LEPR: variants seen among roughly 807,000 people sequenced by gnomAD.
The protein encoded by LEPR is OB receptor.
Under a neutral mutation model 114.7 loss-of-function variants are expected in LEPR, and 56 were observed. The ratio of observed to expected loss-of-function variants is 0.49; its 90% confidence interval spans 0.39 to 0.61. The LOEUF is 0.61. Ranked by LOEUF, LEPR falls within the 20% of genes least tolerant of loss-of-function variation. LEPR has a pLI of 0.00. For missense variants in LEPR, 1,202 were observed against 1,352.9 expected (o/e 0.89, Z 1.75); for synonymous variants, 443 against 461.4 (o/e 0.96, Z 0.51).
chr1:65,434,170 C>A, intron 2 of LEPR: 2 of 984,004 alleles, frequency 2.0e-6, no homozygotes, highest in Non-Finnish European at 2.4e-6. Context: ...ATTAGATTTG[C>A]TCTATGTCTG....
At chr1:65,527,925 C>A (rs575717321) in intron 2 of LEPR, among the ~76,000 whole-genome samples, 177 of 152,268 alleles carry the variant, frequency 1.2e-3, no homozygotes, top group African/African-American at 4.0e-3. Flanking sequence ...ACAACTGAAA[C>A]TGGATGGATC....
At chr1:65,544,912 C>T (rs1327193238) in intron 2 of LEPR, among the ~76,000 whole-genome samples, 6 of 150,272 alleles carry the variant, frequency 4.0e-5, no homozygotes, top group African/African-American at 9.7e-5. Flanking sequence ...CCCATTAACT[C>T]GTCATTTAGC....
chr1:65,627,369 A>G (rs537132855), intron 19 of LEPR, among the ~76,000 whole-genome samples: 4 of 152,360 alleles, frequency 2.6e-5, no homozygotes, highest in African/African-American at 9.6e-5. Context: ...AGAAGCACAA[A>G]TGAAAATATC....
At chr1:65,431,828 T>G in intron 2 of LEPR, 2 of 1,613,948 alleles carry the variant, frequency 1.2e-6, no homozygotes, top group Non-Finnish European at 1.7e-6. Context: ...TGCGGCCTTG[T>G]GTTGGCAGGC....
intron 6 of LEPR, among the ~76,000 whole-genome samples, chr1:65,594,080 A>T (rs1655883603): frequency 6.6e-6 from 1 of 152,044 alleles, no homozygotes; most frequent in Non-Finnish European, 1.5e-5. Context: ...TCCCCAAATT[A>T]TATGTTCCAT....
intron 19 of LEPR, among the ~76,000 whole-genome samples, chr1:65,629,765 T>C (rs1658421463): frequency 6.6e-6 from 1 of 151,824 alleles, no homozygotes; most frequent in African/African-American, 2.4e-5. Context: ...TTATGTTACC[T>C]ATTTTATCCA....
chr1:65,500,729 G>T (rs181087986), intron 2 of LEPR, among the ~76,000 whole-genome samples: 1 of 152,132 alleles, frequency 6.6e-6, no homozygotes, highest in African/African-American at 2.4e-5. Flanking sequence ...GGTTAACAGT[G>T]GGTAATTAGT....
chr1:65,459,097 C>T (rs562455572), intron 2 of LEPR, among the ~76,000 whole-genome samples: 116 of 152,312 alleles, frequency 7.6e-4, no homozygotes, highest in African/African-American at 2.6e-3. Context: ...GCATGTATTC[C>T]TGTCTGTCTC....
At chr1:65,552,281 G>C (rs538882118) in intron 2 of LEPR, among the ~76,000 whole-genome samples, 1 of 152,248 alleles carries the variant, frequency 6.6e-6, no homozygotes, top group East Asian at 1.9e-4. Flanking sequence ...CTTTCTTGTT[G>C]ATCTGTCTAA....
rs556285881 is a variant in LEPR, at chr1:65,423,289, C to A, written c.-96-2014C>A. On this transcript the variant is annotated intron_variant, in intron 1 of 19. Coordinates refer to ENST00000349533, the MANE Select transcript of LEPR (RefSeq NM_002303.6). ...TGAACATAAGTTTTCAGCAGGAGTG[C>A]GTGGAGTGAAAAGAGAGATGGGGTT... 3.3e-5 allele frequency among the ~76,000 whole-genome samples: 5 copies of A among 151,792 alleles called. No individual in the cohort carries two copies. The South Asian group carries it at 1.0e-3, about 32-fold the overall frequency.
intron 2 of LEPR, among the ~76,000 whole-genome samples, chr1:65,438,383 C>T (rs1022036261): frequency 6.6e-6 from 1 of 151,690 alleles, no homozygotes. Flanking sequence ...AACCCCGTCT[C>T]TACTAAAAAT....
chr1:65,632,711 G>T (rs935029511), intron 19 of LEPR, among the ~76,000 whole-genome samples: 1 of 151,928 alleles, frequency 6.6e-6, no homozygotes, highest in Non-Finnish European at 1.5e-5. Flanking sequence ...GTAATGAATG[G>T]TTCTGTGATT....
At chr1:65,576,934 A>C (rs963838689) in intron 5 of LEPR, 2 of 355,320 alleles carry the variant, frequency 5.6e-6, no homozygotes, top group Non-Finnish European at 1.1e-5. Flanking sequence ...AGTTCCTGGA[A>C]ATACTGTCTG....
At chr1:65,465,409 T>A (rs557378085) in intron 2 of LEPR, among the ~76,000 whole-genome samples, 2 of 152,356 alleles carry the variant, frequency 1.3e-5, no homozygotes, top group South Asian at 2.1e-4. Context: ...GTGATTTCTG[T>A]TCTTTTACAT....
intron 2 of LEPR, among the ~76,000 whole-genome samples, chr1:65,543,723 G>C (rs190206715): frequency 3.9e-5 from 6 of 152,048 alleles, no homozygotes; most frequent in Admixed American, 3.9e-4. Flanking sequence ...TATTAAATAG[G>C]GAATCCTTTC....
intron 19 of LEPR, among the ~76,000 whole-genome samples, chr1:65,623,711 T>A (rs1222350910): frequency 6.7e-6 from 1 of 149,052 alleles, no homozygotes; most frequent in Non-Finnish European, 1.5e-5. Flanking sequence ...GGTGATTGCA[T>A]CTTTATCATT....
Position 65,616,108 on chromosome 1 carries a change from C to A in LEPR, c.2096C>A (p.Thr699Lys). ...GTWSEDVGNH[T>K]KFTFLWTEQA... The stretch of plus-strand genomic sequence containing the variant: ...TGGTCAGAAGATGTGGGAAATCACA[C>A]GAAATTCACTTTCCTGTGGACAGAG... The change falls in exon 15 of 20, where the codon ACG becomes AAG. Residue 699 changes from threonine to lysine, a missense_variant. By Grantham distance (78) the Thr-to-Lys change is moderately conservative (BLOSUM62 -1). Coordinates refer to ENST00000349533, the MANE Select transcript of LEPR (RefSeq NM_002303.6). The A allele has an allele frequency of 6.2e-7, 1 of 1,614,160 alleles. No individual in the cohort carries two copies. The highest frequency in any genetic ancestry group is 8.5e-7 in the Non-Finnish European group (1 of 1,180,018).
chr1:65,588,089 G>A (rs1207187536), intron 5 of LEPR, among the ~76,000 whole-genome samples: 1 of 151,954 alleles, frequency 6.6e-6, no homozygotes, highest in Admixed American at 6.6e-5. Flanking sequence ...GGCAGCACAG[G>A]TGAGATGGGT....
intron 2 of LEPR, among the ~76,000 whole-genome samples, chr1:65,444,989 G>A (rs1646696067): frequency 6.6e-6 from 1 of 152,188 alleles, no homozygotes. Context: ...TTCAAGGGCA[G>A]CGACTTTGTA....
Sources: allele counts gnomAD v4.1 joint callset (sites outside exome capture counted in the v4.1 genomes callset), GRCh38; gene constraint gnomAD v4.1.1; transcripts MANE v1.5; gene names NCBI Gene and HGNC (gene_info 2026-07-23, HGNC 2026-07-21).